Variants in ZWILCH observed in about 807,000 individuals in gnomAD.
ZWILCH encodes the protein zwilch kinetochore protein.
Under a neutral mutation model 79.9 loss-of-function variants are expected in ZWILCH, and 74 were observed. That is an observed-to-expected ratio of 0.93 (90% CI 0.77 to 1.12). The LOEUF is 1.12. ZWILCH is among the 50% of genes most tolerant of loss of function. The probability of loss-of-function intolerance (pLI) is 0.00; values close to 1 mark genes in which losing one functional copy is unlikely to be tolerated. For synonymous variants in ZWILCH, 241 were observed against 228.2 expected, an observed-to-expected ratio of 1.06 and a Z score of -0.51; for missense variants, 694 against 687.5, an observed-to-expected ratio of 1.01 and a Z score of -0.11.
Position 66,546,699 on chromosome 15 carries a change from C to T in ZWILCH, c.*20C>T. On this transcript the variant is annotated 3_prime_UTR_variant, in exon 18 of 19. Coordinates refer to ENST00000307897, the MANE Select transcript of ZWILCH (RefSeq NM_017975.5). ...AAGTGAAGTGTGCTGATGAAGTCCTCTATAAGGTATTTATGTTCACATTTT... is the reference window on the plus strand; with the variant it reads ...AAGTGAAGTGTGCTGATGAAGTCCTTTATAAGGTATTTATGTTCACATTTT... 1 of 1,554,570 alleles carries T rather than the reference C, an allele frequency of 6.4e-7. No individual in the cohort carries two copies. The highest frequency in any genetic ancestry group is 1.4e-5 in the African/African-American group (1 of 73,534).
At position 66,548,927 on chromosome 15, in the gene ZWILCH, C is replaced by G; in HGVS notation, c.*603C>G. 1 of 162,292 alleles carries G rather than the reference C, an allele frequency of 6.2e-6. No homozygotes were observed. The highest frequency in any genetic ancestry group is 1.3e-5 in the Non-Finnish European group (1 of 74,532). The allele number at this position is 162,292 out of a possible 1,614,324, so 10.1% of individuals were successfully genotyped here. On this transcript the variant is annotated 3_prime_UTR_variant, in exon 19 of 19. Transcript: ENST00000307897. The stretch of plus-strand genomic sequence containing the variant: ...TATTAGCAGCCATATTCCACAGTTC[C>G]TATAATTTTTACTGGGGGGGATTTG...
At chr15:66,509,881 TCA>T (rs1377112897) in intron 2 of ZWILCH, among the ~76,000 whole-genome samples, 73 of 112,746 alleles carry the variant, frequency 6.5e-4, no homozygotes, top group African/African-American at 2.3e-3. Context: ...CTCTTAAAAA[TCA>T]ATGAGGAAGA....
Position 66,537,236 on chromosome 15 carries a change from C to T in ZWILCH, c.1547C>T (p.Pro516Leu), listed in dbSNP as rs1294778250. Residue 516 changes from proline to leucine, a missense_variant, in exon 16 of 19, where the codon CCA becomes CTA. Physicochemically the swap from Pro to Leu is moderately conservative, Grantham distance 98. Coordinates refer to ENST00000307897, the MANE Select transcript of ZWILCH (RefSeq NM_017975.5). The stretch of plus-strand genomic sequence containing the variant: ...CACATTTTTCAGCTGCCAGTCAGAC[C>T]AACTGCTGTAAAGAACTTATATCAA... Reference protein sequence around the residue: ...EQHIFQLPVRPTAVKNLYQSE... With the variant: ...EQHIFQLPVRLTAVKNLYQSE... 3 of 1,613,110 alleles carry T rather than the reference C, an allele frequency of 1.9e-6. No individual in the cohort carries two copies. In the South Asian group the frequency reaches 3.3e-5, roughly 18 times the overall value.
intron 10 of ZWILCH, 86 bp downstream of exon 10, chr15:66,527,998 C>T: frequency 8.7e-7 from 1 of 1,148,272 alleles, no homozygotes; most frequent in Non-Finnish European, 1.2e-6. Flanking sequence ...TGTACCATCG[C>T]AAATGGATTT....
chr15:66,539,427 T>C (rs1299724157), intron 16 of ZWILCH, among the ~76,000 whole-genome samples: 1 of 144,346 alleles, frequency 6.9e-6, no homozygotes, highest in Admixed American at 7.0e-5. Context: ...AAAAAAAGAT[T>C]ACTGAGTCTA....
chr15:66,529,408 C>T, intron 11 of ZWILCH, 86 bp from the exon 12 acceptor site: 3 of 827,886 alleles, frequency 3.6e-6, no homozygotes, highest in East Asian at 2.8e-5. Context: ...TTGCTTTCTA[C>T]TTCATTTGTG....
intron 12 of ZWILCH, among the ~76,000 whole-genome samples, chr15:66,531,694 T>C (rs1274815045): frequency 6.7e-6 from 1 of 149,360 alleles, no homozygotes; most frequent in East Asian, 2.1e-4. Flanking sequence ...TGACCTCAAG[T>C]GATCTACCCT....
At chr15:66,511,557 A>C (rs1894066096) in intron 2 of ZWILCH, among the ~76,000 whole-genome samples, 1 of 152,140 alleles carries the variant, frequency 6.6e-6, no homozygotes, top group Non-Finnish European at 1.5e-5. Flanking sequence ...ACAAATGACA[A>C]AACAGTAAGA....
At chr15:66,543,719 T>C (rs2140812048) in intron 17 of ZWILCH, among the ~76,000 whole-genome samples, 1 of 151,874 alleles carries the variant, frequency 6.6e-6, no homozygotes, top group South Asian at 2.1e-4. Flanking sequence ...GTTGTGCCAT[T>C]GCACTCCAGC....
chr15:66,517,455 T>TATATATATATATATAGAGAGAG (rs1180456312), intron 4 of ZWILCH, among the ~76,000 whole-genome samples: 15 of 115,212 alleles, frequency 1.3e-4, no homozygotes, highest in African/African-American at 2.4e-4. Flanking sequence ...TATATATATA[T>TATATATATATATATAGAGAGAG]AGTAATGTAC....
intron 17 of ZWILCH, among the ~76,000 whole-genome samples, chr15:66,544,724 T>TTTTTTTTGTGTGTGTGTGTGTGTGTG (rs145952622): frequency 1.6e-5 from 2 of 128,544 alleles, no homozygotes; most frequent in East Asian, 4.9e-4. Context: ...TTTTTGGTTT[T>TTTTTTTTGTGTGTGTGTGTGTGTGTG]TGTGTGTGTG....
intron 5 of ZWILCH, among the ~76,000 whole-genome samples, chr15:66,519,491 G>T (rs184815250): frequency 6.6e-6 from 1 of 152,140 alleles, no homozygotes; most frequent in Non-Finnish European, 1.5e-5. Context: ...GTCTTGCTCT[G>T]TCGCCCAGGT....
At chr15:66,520,951 T>C (rs1404746247) in intron 6 of ZWILCH, 99 bp from the exon 7 acceptor site, 1 of 1,335,364 alleles carries the variant, frequency 7.5e-7, no homozygotes, top group Non-Finnish European at 1.0e-6. Context: ...GCGTGTGTGC[T>C]CTTTTTTCTT....
intron 17 of ZWILCH, among the ~76,000 whole-genome samples, chr15:66,545,489 C>T (rs1376581971): frequency 6.6e-6 from 1 of 152,150 alleles, no homozygotes; most frequent in Non-Finnish European, 1.5e-5. Flanking sequence ...GTCTTTTTGA[C>T]ATGGATTGCA....
chr15:66,516,040 C>A (rs959974074), intron 4 of ZWILCH, among the ~76,000 whole-genome samples: 2 of 152,204 alleles, frequency 1.3e-5, no homozygotes, highest in African/African-American at 4.8e-5. Context: ...CACACAGGAA[C>A]TTTCATTGTC....
At chr15:66,523,881 T>C in intron 8 of ZWILCH, 133 bp downstream of exon 8, 1 of 575,136 alleles carries the variant, frequency 1.7e-6, no homozygotes, top group Non-Finnish European at 2.9e-6. Flanking sequence ...GCTCTGACAG[T>C]TTGGGCAGTT....
intron 2 of ZWILCH, among the ~76,000 whole-genome samples, chr15:66,511,374 GCTA>G (rs1299958419): frequency 6.6e-6 from 1 of 151,674 alleles, no homozygotes; most frequent in East Asian, 1.9e-4. Flanking sequence ...TATAGTCCCA[GCTA>G]CTACTACTGG....
intron 17 of ZWILCH, among the ~76,000 whole-genome samples, chr15:66,544,704 T>G (rs77132930): frequency 0.07 from 8,412 of 120,676 alleles, 337 homozygotes; most frequent in Middle Eastern, 0.13. Flanking sequence ...TGCCTTGTTT[T>G]TTTGTTGTTT....
chr15:66,515,776 C>T, intron 4 of ZWILCH, 132 bp downstream of exon 4: 1 of 701,350 alleles, frequency 1.4e-6, no homozygotes, highest in Admixed American at 2.6e-5. Flanking sequence ...ATAAGTATAC[C>T]CAACTAAGGA....
Sources: allele counts gnomAD v4.1 joint callset (sites outside exome capture counted in the v4.1 genomes callset), GRCh38; gene constraint gnomAD v4.1.1; transcripts MANE v1.5; gene names NCBI Gene and HGNC (gene_info 2026-07-23, HGNC 2026-07-21).